The following SCML4 variants were observed in gnomAD, a reference collection of about 807,000 sequenced individuals.
SCML4 encodes the protein sex comb on midleg-like protein 4.
Under a neutral mutation model 41.1 loss-of-function variants are expected in SCML4, and 34 were observed. The ratio of observed to expected loss-of-function variants is 0.83; its 90% CI spans 0.63 to 1.10. SCML4 has a LOEUF of 1.10. SCML4 is among the 50% of genes least tolerant of loss of function. The pLI is 0.00. For synonymous variants in SCML4, 214 were observed against 220.9 expected, an observed-to-expected ratio of 0.97 and a Z score of 0.28; for missense variants, 522 against 534.1, an observed-to-expected ratio of 0.98 and a Z score of 0.22.
At position 107,707,966 on chromosome 6, in the gene SCML4, C is replaced by T. The variant is rs755797831; in HGVS notation, c.1019G>A (p.Ser340Asn). ...CACAGTCCAGGCGGAGGGGTTCCTG[C>T]TCCGTGGCCGCCTGGCATCCTGCGC... is the stretch of plus-strand genomic sequence containing the variant. ...QDAQDARRPR[S>N]RNPSAWTVED... Residue 340 changes from serine to asparagine, a missense_variant, in exon 7 of 8, where the codon AGC (serine) becomes AAC (asparagine). Coordinates refer to ENST00000369020, the MANE Select transcript of SCML4 (RefSeq NM_198081.5). The T allele has an allele frequency of 3.9e-6, 6 of 1,551,432 alleles. No individual in the cohort carries two copies. The Admixed American group carries it at 9.8e-5, about 25-fold the overall frequency.
intron 5 of SCML4, among the ~76,000 whole-genome samples, chr6:107,725,208 AGT>A (rs1436525415): frequency 5.3e-4 from 81 of 152,370 alleles, no homozygotes; most frequent in African/African-American, 1.8e-3. Context: ...ATGGTTCTAC[AGT>A]AAAGACAAAT....
intron 2 of SCML4, among the ~76,000 whole-genome samples, chr6:107,769,227 G>A (rs748136517): frequency 6.6e-6 from 1 of 152,236 alleles, no homozygotes; most frequent in African/African-American, 2.4e-5. Context: ...CCAGCTGTGA[G>A]TCTGCCCCAG....
At chr6:107,733,920 G>C (rs1272995139) in intron 5 of SCML4, among the ~76,000 whole-genome samples, 9 of 152,204 alleles carry the variant, frequency 5.9e-5, no homozygotes, top group Admixed American at 5.2e-4. Flanking sequence ...CTATTTGATA[G>C]AGAGGCTGGG....
intron 1 of SCML4, among the ~76,000 whole-genome samples, chr6:107,778,210 AAAAAAAAAAAAAATATAT>A (rs1219582289): frequency 1.4e-4 from 3 of 21,322 alleles, no homozygotes; most frequent in African/African-American, 3.7e-4. Context: ...AAAAAAAAAA[AAAAAAAAAAAAAATATAT>A]ATATATATAT....
At chr6:107,744,903 G>C (rs1777922590) in intron 5 of SCML4, 46 bp downstream of exon 5, 6 of 1,445,766 alleles carry the variant, frequency 4.2e-6, no homozygotes, top group South Asian at 3.9e-5. Context: ...AGACACCTGG[G>C]ACAGGGAGGT....
At chr6:107,767,398 G>T (rs546141346) in intron 2 of SCML4, among the ~76,000 whole-genome samples, 1 of 152,144 alleles carries the variant, frequency 6.6e-6, no homozygotes, top group Non-Finnish European at 1.5e-5. Context: ...ACAAACAAAC[G>T]AAAACCCTTT....
At chr6:107,843,931 A>AAG in the SCML4 span, among the ~76,000 whole-genome samples, 1,755 of 150,438 alleles carry the variant, frequency 0.012, 19 homozygotes, top group East Asian at 0.016. Flanking sequence ...CACTGAGAGG[A>AAG]AGAGAGAGAG....
chr6:107,799,145 T>C lies in SCML4; in HGVS notation c.-60+24981A>G, dbSNP rs552982601. 2.0e-5 allele frequency among the ~76,000 whole-genome samples: 3 copies of C among 152,334 alleles called. No homozygotes were observed. In the East Asian group the frequency reaches 5.8e-4, roughly 29 times the overall value. On this transcript the variant is annotated intron_variant, in intron 1 of 7. Coordinates refer to ENST00000369020, the MANE Select transcript of SCML4 (RefSeq NM_198081.5). ...GTATTTCAGTTGTTCTGTCAGTTAC[T>C]AAAACTGCAGTGTTAAAATCTGCAA...
chr6:107,800,199 AT>A (rs956403938), intron 1 of SCML4, among the ~76,000 whole-genome samples: 1 of 152,198 alleles, frequency 6.6e-6, no homozygotes, highest in African/African-American at 2.4e-5. Context: ...CATGGGTAAC[AT>A]TTTCCGCCTT....
chr6:107,758,710 C>G (rs1779305355), intron 2 of SCML4, among the ~76,000 whole-genome samples: 1 of 151,898 alleles, frequency 6.6e-6, no homozygotes, highest in South Asian at 2.1e-4. Context: ...CAAGAAACAG[C>G]CGGCAACCAC....
chr6:107,725,466 G>GTA (rs1775868764), intron 5 of SCML4, among the ~76,000 whole-genome samples: 1 of 152,194 alleles, frequency 6.6e-6, no homozygotes, highest in African/African-American at 2.4e-5. Flanking sequence ...AAATCCATGT[G>GTA]TATATGTTCA....
intron 3 of SCML4, 105 bp from the exon 4 acceptor site, chr6:107,746,994 G>A: frequency 1.0e-6 from 1 of 967,502 alleles, no homozygotes; most frequent in Non-Finnish European, 1.5e-6. Context: ...CTTTGGCCCT[G>A]GCCTTGGGAA....
intron 1 of SCML4, among the ~76,000 whole-genome samples, chr6:107,784,429 G>T (rs532867836): frequency 6.6e-6 from 1 of 152,216 alleles, no homozygotes; most frequent in Non-Finnish European, 1.5e-5. Context: ...GGCATGTATA[G>T]CATGCTATCA....
rs577287364 is a variant in SCML4 at position 107,705,383 on chromosome 6, A to C, written c.1120-58T>G. 9 of 1,517,842 alleles carry C rather than the reference A, an allele frequency of 5.9e-6. No homozygotes were observed. The Admixed American group carries it at 1.8e-4, about 30-fold the overall frequency. The allele number at this position is 1,517,842 out of a possible 1,614,324, so 94.0% of individuals were successfully genotyped here. Reference sequence around the variant, plus strand: ...CAGAAGATGGTCAGAGTCATCGAACAGTGGCTAAGGTTAAGGTGTGGTCAA... The same window carrying C: ...CAGAAGATGGTCAGAGTCATCGAACCGTGGCTAAGGTTAAGGTGTGGTCAA... On this transcript the variant is annotated intron_variant, in intron 7 of 7. Coordinates refer to ENST00000369020, the MANE Select transcript of SCML4 (RefSeq NM_198081.5).
At chr6:107,778,221 AAATATATATATATATATATATATATAT>A (rs1256499415) in intron 1 of SCML4, among the ~76,000 whole-genome samples, 3 of 5,212 alleles carry the variant, frequency 5.8e-4, no homozygotes, top group African/African-American at 1.1e-3. Flanking sequence ...AAAAAAAAAA[AAATATATATATATATATATATATATAT>A]ATATATATAT....
chr6:107,782,306 A>G (rs1781565648), intron 1 of SCML4, among the ~76,000 whole-genome samples: 1 of 152,170 alleles, frequency 6.6e-6, no homozygotes, highest in South Asian at 2.1e-4. Flanking sequence ...CAGGAAGAGG[A>G]GGAAAGACTG....
At chr6:107,727,427 T>C (rs1327241595) in intron 5 of SCML4, among the ~76,000 whole-genome samples, 1 of 152,246 alleles carries the variant, frequency 6.6e-6, no homozygotes, top group Non-Finnish European at 1.5e-5. Flanking sequence ...ATAAAGTTTT[T>C]TTTTAAAAGG....
chr6:107,827,199 T>A (rs1453392591), upstream of SCML4, among the ~76,000 whole-genome samples: 1 of 147,554 alleles, frequency 6.8e-6, no homozygotes, highest in Non-Finnish European at 1.5e-5. Context: ...TTAATAAATA[T>A]GTAAATATAT....
At chr6:107,799,630 T>C (rs1263540114) in intron 1 of SCML4, among the ~76,000 whole-genome samples, 1 of 152,182 alleles carries the variant, frequency 6.6e-6, no homozygotes, top group African/African-American at 2.4e-5. Context: ...TCCTTTTTTC[T>C]CTTTTCCTGC....
Sources: gnomAD v4.1 joint callset for allele counts (sites outside exome capture counted in the v4.1 genomes callset) on GRCh38, gnomAD v4.1.1 for gene constraint, MANE v1.5 for transcripts, NCBI Gene and HGNC (gene_info 2026-07-23, HGNC 2026-07-21) for gene names.